The following LRIG1 variants were observed in gnomAD, a reference collection of about 807,000 sequenced individuals.
The protein encoded by LRIG1 is leucine rich repeats and immunoglobulin like domains 1.
In LRIG1, 48 loss-of-function variants were observed where a neutral mutation model predicts 99.2. The ratio of observed to expected loss-of-function variants is 0.48; its 90% CI spans 0.38 to 0.62. The LOEUF is 0.62. Ranked by LOEUF, LRIG1 falls within the 20% of genes least tolerant of loss-of-function variation. The probability of loss-of-function intolerance (pLI) is 0.00; values close to 1 mark genes in which losing one functional copy is unlikely to be tolerated. For synonymous variants in LRIG1, 772 were observed against 596.1 expected, an observed-to-expected ratio of 1.29 and a Z score of -4.30; for missense variants, 1,646 against 1,434.4, an observed-to-expected ratio of 1.15 and a Z score of -2.38.
At chr3:66,416,078 A>G (rs898758654) in intron 4 of LRIG1, among the ~76,000 whole-genome samples, 5 of 152,328 alleles carry the variant, frequency 3.3e-5, no homozygotes, top group Admixed American at 6.5e-5. Context: ...TGATGAAGAT[A>G]TATCACCCAA....
In LRIG1 at chr3:66,385,906, A is replaced by G. The variant is rs1701348838; in HGVS notation, c.1789+75T>C. 6.8e-6 allele frequency: 9 copies of G among 1,333,304 alleles called. No homozygotes were observed. In the East Asian group the frequency reaches 1.2e-4, roughly 17 times the overall value. The allele number at this position is 1,333,304 out of a possible 1,614,324, so 82.6% of individuals were successfully genotyped here. A position where few individuals can be genotyped will look rare whatever the true frequency, so the allele number is the denominator to read the frequency against. On this transcript the variant is annotated intron_variant, in intron 13 of 18. Coordinates refer to ENST00000273261, the MANE Select transcript of LRIG1 (RefSeq NM_015541.3). The stretch of plus-strand genomic sequence containing the variant: ...TGTGTCCTGTCTCAGTCATCTCTAC[A>G]TGGAAAGCTGAAAGGGCAATCAGGA...
rs117916042 is a variant in LRIG1 at position 66,498,909 on chromosome 3, G to T, written c.218+1281C>A. 2.8e-3 allele frequency among the ~76,000 whole-genome samples: 430 copies of T among 152,296 alleles called. 19 individuals carry two copies. The East Asian group carries it at 0.073, about 26-fold the overall frequency. On this transcript the variant is annotated intron_variant, in intron 1 of 18. Coordinates refer to ENST00000273261, the MANE Select transcript of LRIG1 (RefSeq NM_015541.3). ...ACTTTTCTTCCCTTCACGGTAGTCA[G>T]AACACAGGCCACATTTTCTTCGATC... is the stretch of plus-strand genomic sequence containing the variant.
chr3:66,491,247 A>C (rs1289442294), intron 1 of LRIG1, among the ~76,000 whole-genome samples: 1 of 152,258 alleles, frequency 6.6e-6, no homozygotes, highest in Non-Finnish European at 1.5e-5. Context: ...ACCAACGGCT[A>C]ATTATCCCTC....
Position 66,383,316 on chromosome 3 carries a change from G to A in LRIG1, c.2157C>T (p.Asn719=). 1 of 1,604,660 alleles carries A rather than the reference G, an allele frequency of 6.2e-7. No individual in the cohort carries two copies. The highest frequency in any genetic ancestry group is 8.5e-7 in the Non-Finnish European group (1 of 1,172,460). ...TGAACCAGGTGATGCGGGGCGGAGG[G>A]TTCCCCGTGGCTTTGCATTGGAGGG... ...TVALQCKATG[N]PPPRITWFKG... Residue 719 remains asparagine (N), a synonymous_variant, in exon 15 of 19, where the codon AAC becomes AAT. Coordinates refer to ENST00000273261, the MANE Select transcript of LRIG1 (RefSeq NM_015541.3).
At chr3:66,412,785 A>T (rs1386638448) in intron 6 of LRIG1, 86 bp downstream of exon 6, 6 of 1,487,818 alleles carry the variant, frequency 4.0e-6, no homozygotes, top group Non-Finnish European at 5.6e-6. Flanking sequence ...GTTGGTGCGC[A>T]CATGCATGCG....
chr3:66,423,975 T>C (rs1252815581), intron 3 of LRIG1, among the ~76,000 whole-genome samples: 2 of 152,150 alleles, frequency 1.3e-5, no homozygotes, highest in East Asian at 1.9e-4. Flanking sequence ...AAGAATAAAA[T>C]TAATGACTGG....
chr3:66,382,880 C>T, intron 15 of LRIG1, 102 bp downstream of exon 15: 1 of 1,070,136 alleles, frequency 9.3e-7, no homozygotes, highest in Non-Finnish European at 1.3e-6. Context: ...GAGTTCTGAA[C>T]ACAGTGCAAT....
chr3:66,425,617 G>C (rs1258394058), intron 3 of LRIG1, among the ~76,000 whole-genome samples: 1 of 152,170 alleles, frequency 6.6e-6, no homozygotes, highest in Non-Finnish European at 1.5e-5. Flanking sequence ...GTTGTGCTAG[G>C]AACAGTTCTT....
At chr3:66,414,760 C>T (rs2106687530) in intron 5 of LRIG1, among the ~76,000 whole-genome samples, 160 bp downstream of exon 5, 1 of 152,276 alleles carries the variant, frequency 6.6e-6, no homozygotes, top group Non-Finnish European at 1.5e-5. Context: ...AGACCCAGCT[C>T]CGAATTTGCT....
At chr3:66,410,423 G>C (rs1312198762) in intron 6 of LRIG1, 151 bp from the exon 7 acceptor site, 1 of 690,770 alleles carries the variant, frequency 1.4e-6, no homozygotes, top group African/African-American at 1.8e-5. Flanking sequence ...TCGCACACAT[G>C]TGCATGTGAG....
intron 15 of LRIG1, 43 bp downstream of exon 15, chr3:66,382,939 A>G: frequency 6.5e-7 from 1 of 1,549,696 alleles, no homozygotes; most frequent in Non-Finnish European, 8.8e-7. Flanking sequence ...CATCACTGCC[A>G]TTCCTCCCTC....
At chr3:66,427,601 AC>A (rs1467349329) in intron 3 of LRIG1, among the ~76,000 whole-genome samples, 1 of 152,222 alleles carries the variant, frequency 6.6e-6, no homozygotes, top group Non-Finnish European at 1.5e-5. Flanking sequence ...GGAGTTCGAG[AC>A]CAGCCTGGGC....
At chr3:66,416,287 C>T (rs1702611986) in intron 4 of LRIG1, among the ~76,000 whole-genome samples, 1 of 152,182 alleles carries the variant, frequency 6.6e-6, no homozygotes, top group South Asian at 2.1e-4. Context: ...AGAAAGAAAT[C>T]ACTCTTCTTC....
At chr3:66,462,343 C>A (rs941248895) in intron 2 of LRIG1, 95 bp downstream of exon 2, 3 of 846,402 alleles carry the variant, frequency 3.5e-6, no homozygotes, top group African/African-American at 3.3e-5. Flanking sequence ...GTTTACACTG[C>A]GGATCTAGGG....
At chr3:66,424,494 C>G (rs766711414) in intron 3 of LRIG1, among the ~76,000 whole-genome samples, 71 of 152,236 alleles carry the variant, frequency 4.7e-4, no homozygotes, top group Non-Finnish European at 9.0e-4. Context: ...AGGAAACTAT[C>G]CATGTTTTCA....
At chr3:66,419,067 G>A (rs1044076884) in intron 3 of LRIG1, among the ~76,000 whole-genome samples, 1 of 152,198 alleles carries the variant, frequency 6.6e-6, no homozygotes, top group African/African-American at 2.4e-5. Flanking sequence ...AAATAAAGGC[G>A]ACAGAGCTGA....
intron 1 of LRIG1, among the ~76,000 whole-genome samples, chr3:66,487,798 T>A (rs1260060354): frequency 6.6e-6 from 1 of 152,166 alleles, no homozygotes; most frequent in East Asian, 1.9e-4. Flanking sequence ...GAAAGCACAA[T>A]GGAAAAAGGT....
intron 13 of LRIG1, 72 bp downstream of exon 13, chr3:66,385,909 G>A: frequency 2.2e-6 from 3 of 1,357,766 alleles, no homozygotes; most frequent in South Asian, 1.3e-5. Context: ...TCTCTACATG[G>A]AAAGCTGAAA....
At chr3:66,381,404 C>A in intron 17 of LRIG1, 75 bp downstream of exon 17, 1 of 1,461,744 alleles carries the variant, frequency 6.8e-7, no homozygotes. Context: ...GTGTCTCCCC[C>A]TTTGATGTAG....
Sources: gnomAD v4.1 joint callset for allele counts (sites outside exome capture counted in the v4.1 genomes callset) on GRCh38, gnomAD v4.1.1 for gene constraint, MANE v1.5 for transcripts, NCBI Gene and HGNC (gene_info 2026-07-23, HGNC 2026-07-21) for gene names.